Variants in KIF16B observed in about 807,000 individuals in gnomAD.
KIF16B encodes the protein kinesin family member 16B.
In KIF16B, 98 loss-of-function variants were observed where a neutral mutation model predicts 156.3. The observed-to-expected ratio is 0.63, with a 90% confidence interval of 0.53 to 0.74. The LOEUF (loss-of-function observed/expected upper bound fraction) is 0.74. KIF16B is among the 30% of genes least tolerant of loss of function. The pLI, the probability that KIF16B is intolerant of heterozygous loss-of-function variation, is 0.00. For missense variants in KIF16B, 1,421 were observed against 1,606.5 expected (o/e 0.88, Z 1.97); for synonymous variants, 564 against 583.7 (o/e 0.97, Z 0.49).
At position 16,273,379 on chromosome 20, in the gene KIF16B, G is replaced by T. The variant is rs140845694; in HGVS notation, c.3828C>A (p.Leu1276=). 8.1e-6 allele frequency: 13 copies of T among 1,613,990 alleles called. No individual in the cohort carries two copies. Among genetic ancestry groups the T allele is most frequent in the Non-Finnish European group, 1.0e-5 (12 of 1,179,996 alleles). ...TGTGGAGGGGAGATGTTGCGGACTG[G>T]AGCATCACGCTGAAAAAGTCCCTGA... ...KYLRDFFSVM[L]QSATSPLHIN... The change falls in exon 26 of 26, where the codon CTC becomes CTA. Residue 1276 remains leucine (L), a synonymous_variant. Coordinates refer to ENST00000354981, the MANE Select transcript of KIF16B (RefSeq NM_024704.5).
At chr20:16,381,850 T>G in intron 17 of KIF16B, 103 bp from the exon 18 acceptor site, 1 of 974,424 alleles carries the variant, frequency 1.0e-6, no homozygotes, top group Non-Finnish European at 1.5e-6. Context: ...CATCAGTTTT[T>G]CAAGTATTAC....
chr20:16,438,424 T>G (rs764651272), intron 12 of KIF16B, among the ~76,000 whole-genome samples: 3 of 152,202 alleles, frequency 2.0e-5, no homozygotes, highest in African/African-American at 7.2e-5. Flanking sequence ...TGTTCATCTC[T>G]TACTGTGTCT....
intron 12 of KIF16B, among the ~76,000 whole-genome samples, chr20:16,460,510 G>A (rs115647696): frequency 0.067 from 10,172 of 152,026 alleles, 436 homozygotes; most frequent in African/African-American, 0.11. Flanking sequence ...TGCAGTGAGC[G>A]GAGATCGCAC....
chr20:16,444,373 C>CAA lies in KIF16B; in HGVS notation c.1303-14393_1303-14392dup, dbSNP rs11483828. Among the ~76,000 whole-genome samples, 575 of 143,532 alleles carry CAA rather than the reference C, an allele frequency of 4.0e-3. 3 individuals carry two copies. The highest frequency in any genetic ancestry group is 0.021 in the Middle Eastern group (6 of 284). 94.2% of individuals were successfully genotyped at this position (143,532 alleles called of 152,430 possible). On this transcript the variant is annotated intron_variant, in intron 12 of 25. Transcript: ENST00000354981. ...GTGATTTTTATATTTTCAGATGGTC[C>CAA]AAAAAAAAAAATCAAAAGAAGAATA...
rs1204336809 is a variant in KIF16B, at chr20:16,456,096, C to CCAATACTATACAATA, written c.1303-26115_1303-26114insTATTGTATAGTATTG. Reference sequence around the variant, plus strand: ...AATAAAAGGAATTCTTCTACTGGAGCCAATACAATACAATACAATACAATA... The same window carrying CCAATACTATACAATA: ...AATAAAAGGAATTCTTCTACTGGAGCCAATACTATACAATACAATACAATACAATACAATACAATA... On this transcript the variant is annotated intron_variant, in intron 12 of 25. Coordinates refer to ENST00000354981, the MANE Select transcript of KIF16B (RefSeq NM_024704.5). 8.4e-5 allele frequency among the ~76,000 whole-genome samples: 12 copies of CCAATACTATACAATA among 143,410 alleles called. No individual in the cohort carries two copies. In the East Asian group the frequency reaches 2.1e-3, roughly 25 times the overall value. 94.1% of individuals were successfully genotyped at this position (143,410 alleles called of 152,430 possible). A position where few individuals can be genotyped will look rare whatever the true frequency, so the allele number is the denominator to read the frequency against.
At chr20:16,538,251 G>C (rs1357521988) in intron 1 of KIF16B, among the ~76,000 whole-genome samples, 1 of 152,184 alleles carries the variant, frequency 6.6e-6, no homozygotes, top group Non-Finnish European at 1.5e-5. Context: ...GCTTTGTCTT[G>C]TAATTCTTCA....
At chr20:16,489,723 AAACTTGAAG>A (rs2068227772) in intron 12 of KIF16B, among the ~76,000 whole-genome samples, 1 of 150,328 alleles carries the variant, frequency 6.7e-6, no homozygotes, top group African/African-American at 2.5e-5. Context: ...TTCAGCACTC[AAACTTGAAG>A]GTACAGACCC....
intron 17 of KIF16B, among the ~76,000 whole-genome samples, chr20:16,382,985 G>C (rs752091817): frequency 8.5e-5 from 13 of 152,094 alleles, no homozygotes; most frequent in Non-Finnish European, 1.3e-4. Flanking sequence ...AAGATGTCTG[G>C]TGGATTTCGT....
chr20:16,395,758 G>C (rs2146201140), intron 17 of KIF16B, among the ~76,000 whole-genome samples: 1 of 152,128 alleles, frequency 6.6e-6, no homozygotes, highest in South Asian at 2.1e-4. Context: ...CTAGACTCTA[G>C]GGCCTGTGAA....
chr20:16,332,843 C>T (rs763508757), intron 24 of KIF16B, among the ~76,000 whole-genome samples: 41 of 152,244 alleles, frequency 2.7e-4, no homozygotes, highest in Non-Finnish European at 4.7e-4. Context: ...CTCCTTTAAA[C>T]TTTAGGCTTA....
intron 3 of KIF16B, among the ~76,000 whole-genome samples, chr20:16,525,050 T>C (rs2069490068): frequency 6.6e-6 from 1 of 152,044 alleles, no homozygotes; most frequent in Non-Finnish European, 1.5e-5. Context: ...ACGGGAGGGA[T>C]AGCATTAGGA....
intron 12 of KIF16B, among the ~76,000 whole-genome samples, chr20:16,451,116 C>A (rs577942407): frequency 6.6e-6 from 1 of 152,272 alleles, no homozygotes; most frequent in East Asian, 1.9e-4. Flanking sequence ...CTTCCAAGCT[C>A]ATATAGAATG....
chr20:16,489,784 G>C (rs2068231646), intron 12 of KIF16B, among the ~76,000 whole-genome samples: 1 of 151,868 alleles, frequency 6.6e-6, no homozygotes, highest in Non-Finnish European at 1.5e-5. Context: ...TGATCCAGGA[G>C]GTCTGGAGCT....
intron 12 of KIF16B, among the ~76,000 whole-genome samples, chr20:16,474,061 G>T (rs999884951): frequency 1.3e-5 from 2 of 152,100 alleles, no homozygotes; most frequent in Admixed American, 1.3e-4. Context: ...CACCTCCTCA[G>T]GTAATAGAGT....
intron 10 of KIF16B, among the ~76,000 whole-genome samples, chr20:16,500,473 T>C (rs888672870): frequency 6.6e-6 from 1 of 152,206 alleles, no homozygotes; most frequent in African/African-American, 2.4e-5. Context: ...TATGCTATGT[T>C]CTTACTTTTG....
chr20:16,275,877 T>A (rs1372071742), intron 25 of KIF16B, among the ~76,000 whole-genome samples: 1 of 152,230 alleles, frequency 6.6e-6, no homozygotes, highest in Non-Finnish European at 1.5e-5. Flanking sequence ...TATCGTAGAC[T>A]ACACTCAACC....
At chr20:16,457,679 AG>A (rs2067245596) in intron 12 of KIF16B, among the ~76,000 whole-genome samples, 1 of 152,168 alleles carries the variant, frequency 6.6e-6, no homozygotes, top group Non-Finnish European at 1.5e-5. Context: ...ATCCGTTGAA[AG>A]GCCTTTGCCT....
intron 25 of KIF16B, among the ~76,000 whole-genome samples, chr20:16,305,315 T>C (rs1340006463): frequency 3.3e-5 from 5 of 152,194 alleles, no homozygotes; most frequent in Non-Finnish European, 5.9e-5. Flanking sequence ...TCCATAATAG[T>C]GTCAGATCAA....
chr20:16,339,964 A>C (rs949530486), intron 23 of KIF16B, among the ~76,000 whole-genome samples: 1 of 152,122 alleles, frequency 6.6e-6, no homozygotes, highest in African/African-American at 2.4e-5. Flanking sequence ...TTAAACATTA[A>C]GTGTGATGGG....
Sources: allele counts gnomAD v4.1 joint callset (sites outside exome capture counted in the v4.1 genomes callset), GRCh38; gene constraint gnomAD v4.1.1; transcripts MANE v1.5; gene names NCBI Gene and HGNC (gene_info 2026-07-23, HGNC 2026-07-21).